CLASP2: variants seen among roughly 807,000 people sequenced by gnomAD.
CLASP2 encodes the protein cytoplasmic linker associated protein 2.
In CLASP2, 47 loss-of-function variants were observed where a neutral mutation model predicts 194.4. The observed-to-expected ratio is 0.24, with a 90% CI of 0.19 to 0.31. The LOEUF (loss-of-function observed/expected upper bound fraction) is 0.31, where lower values mean the gene tolerates loss of function less well. CLASP2 is among the 10% of genes least tolerant of loss of function. The probability of loss-of-function intolerance (pLI) is 1.00; values close to 1 mark genes in which losing one functional copy is unlikely to be tolerated. For missense variants in CLASP2, 1,445 were observed against 1,823.6 expected (o/e 0.79, Z 3.78); for synonymous variants, 619 against 633.5 (o/e 0.98, Z 0.34).
rs2073980586 is a variant in CLASP2, at chr3:33,606,902, T to G, written c.1527-144A>C. 11 of 650,322 alleles carry G rather than the reference T, an allele frequency of 1.7e-5. No individual in the cohort carries two copies. In the South Asian group the frequency reaches 2.4e-4, roughly 14 times the overall value. The allele number at this position is 650,322 out of a possible 1,614,324, so 40.3% of individuals were successfully genotyped here. On this transcript the variant is annotated intron_variant, in intron 15 of 38. Transcript: ENST00000682230. ...TTTGTCAGGTGAACACTTTCTAAATTGAACAAGTTCCAGTGGAAAGACTGA... is the reference window on the plus strand; with the variant it reads ...TTTGTCAGGTGAACACTTTCTAAATGGAACAAGTTCCAGTGGAAAGACTGA...
intron 2 of CLASP2, among the ~76,000 whole-genome samples, chr3:33,693,890 GC>G (rs929014422): frequency 2.0e-5 from 3 of 151,898 alleles, no homozygotes; most frequent in Admixed American, 6.6e-5. Flanking sequence ...GTGAACATGT[GC>G]CATCTAGTTG....
intron 21 of CLASP2, among the ~76,000 whole-genome samples, chr3:33,591,650 T>C (rs1266026768): frequency 6.6e-6 from 1 of 152,228 alleles, no homozygotes; most frequent in South Asian, 2.1e-4. Context: ...GCCATAAATA[T>C]GTTTACTATT....
At chr3:33,588,649 T>A (rs2067966982) in intron 21 of CLASP2, 3 of 698,926 alleles carry the variant, frequency 4.3e-6, no homozygotes, top group Non-Finnish European at 7.8e-6. Flanking sequence ...CCATTCTTCA[T>A]AATGAAAATA....
chr3:33,644,701 T>C, intron 8 of CLASP2, 56 bp downstream of exon 8: 1 of 1,582,798 alleles, frequency 6.3e-7, no homozygotes, highest in Non-Finnish European at 8.6e-7. Context: ...CAAGTATGTG[T>C]GGCCATATCA....
At chr3:33,522,334 G>GAATTTA (rs147411100) in intron 34 of CLASP2, among the ~76,000 whole-genome samples, 5 of 2,902 alleles carry the variant, frequency 1.7e-3, no homozygotes, top group Non-Finnish European at 2.8e-3. Flanking sequence ...GATCTGAGAA[G>GAATTTA]ACTTTATACC....
chr3:33,600,393 T>C (rs1376751704), intron 18 of CLASP2, among the ~76,000 whole-genome samples: 2 of 152,206 alleles, frequency 1.3e-5, no homozygotes, highest in East Asian at 3.8e-4. Context: ...TGACTTCTGT[T>C]CCTAGTTTGT....
intron 12 of CLASP2, among the ~76,000 whole-genome samples, chr3:33,616,715 A>G (rs926124766): frequency 3.3e-5 from 5 of 151,052 alleles, no homozygotes; most frequent in African/African-American, 1.2e-4. Flanking sequence ...AAAGATTTCA[A>G]TAATTCCCAC....
At chr3:33,572,390 T>G (rs556143138) in intron 25 of CLASP2, among the ~76,000 whole-genome samples, 68 of 152,294 alleles carry the variant, frequency 4.5e-4, no homozygotes, top group Non-Finnish European at 4.1e-4. Context: ...GTTCTAATAC[T>G]TCCTAAAATA....
chr3:33,569,663 C>T (rs1576565172), intron 26 of CLASP2, among the ~76,000 whole-genome samples: 1 of 152,086 alleles, frequency 6.6e-6, no homozygotes, highest in East Asian at 1.9e-4. Flanking sequence ...AACTGCTTAC[C>T]AAATGTATTT....
intron 33 of CLASP2, 97 bp from the exon 34 acceptor site, chr3:33,535,558 T>C (rs989626931): frequency 1.0e-6 from 1 of 952,600 alleles, no homozygotes; most frequent in Non-Finnish European, 1.5e-6. Context: ...TAAAAGACAA[T>C]TTTAAAAAGA....
intron 1 of CLASP2, among the ~76,000 whole-genome samples, chr3:33,716,110 T>G (rs1447866680): frequency 1.3e-5 from 2 of 152,236 alleles, no homozygotes; most frequent in Admixed American, 1.3e-4. Context: ...AACAGGCAAT[T>G]TATCTATTCT....
intron 7 of CLASP2, among the ~76,000 whole-genome samples, chr3:33,651,657 CTT>C (rs1213189049): frequency 3.3e-5 from 4 of 119,596 alleles, no homozygotes; most frequent in Non-Finnish European, 1.7e-5. Flanking sequence ...TTCCACCTCA[CTT>C]TTTTTTTTTT....
At chr3:33,550,946 A>G (rs1028130358) in intron 30 of CLASP2, among the ~76,000 whole-genome samples, 4 of 152,222 alleles carry the variant, frequency 2.6e-5, no homozygotes, top group Non-Finnish European at 5.9e-5. Context: ...GATAAATCAA[A>G]CAACAGTGTA....
At chr3:33,632,511 A>T (rs2079274609) in intron 8 of CLASP2, 140 bp from the exon 9 acceptor site, 2 of 653,088 alleles carry the variant, frequency 3.1e-6, no homozygotes, top group Non-Finnish European at 2.6e-6. Flanking sequence ...GAAAGCATTT[A>T]AAAAATCTCC....
chr3:33,695,315 C>T (rs762431165), intron 2 of CLASP2, among the ~76,000 whole-genome samples: 3 of 148,978 alleles, frequency 2.0e-5, no homozygotes, highest in Non-Finnish European at 3.0e-5. Context: ...CCTACCTTAG[C>T]CTCCTAAACT....
chr3:33,507,645 C>T (rs1456253008), intron 37 of CLASP2, among the ~76,000 whole-genome samples: 1 of 151,994 alleles, frequency 6.6e-6, no homozygotes, highest in Non-Finnish European at 1.5e-5. Context: ...TCACGCCTGG[C>T]TAATTTTTAA....
Position 33,551,345 on chromosome 3 carries a change from A to G in CLASP2, c.3060T>C (p.Asp1020=). The change falls in exon 30 of 39, where the codon GAT becomes GAC. Residue 1020 remains aspartate (D), a synonymous_variant. Transcript: ENST00000682230. ...KYIETLAKQM[D]PGDFINSSET... is the part of the protein sequence containing the mutation. ...CACTGGAATTTATAAAATCTCCTGG[A>G]TCCATCTGTTTGGCCAGAGTTTCTA... 6.2e-7 allele frequency: 1 copy of G among 1,613,870 alleles called. No homozygotes were observed. The highest frequency in any genetic ancestry group is 8.5e-7 in the Non-Finnish European group (1 of 1,179,786).
intron 10 of CLASP2, 87 bp downstream of exon 10, chr3:33,626,901 C>T (rs1255330780): frequency 4.2e-6 from 3 of 717,116 alleles, no homozygotes; most frequent in Non-Finnish European, 7.0e-6. Context: ...AAGTGAATAC[C>T]ATATAGTACT....
At chr3:33,543,364 C>T in intron 32 of CLASP2, 69 bp downstream of exon 32, 1 of 1,095,194 alleles carries the variant, frequency 9.1e-7, no homozygotes, top group Admixed American at 1.7e-5. Context: ...CAGAGCAAGA[C>T]TCTGTCTCAA....
Sources: gnomAD v4.1 joint callset for allele counts (sites outside exome capture counted in the v4.1 genomes callset) on GRCh38, gnomAD v4.1.1 for gene constraint, MANE v1.5 for transcripts, NCBI Gene and HGNC (gene_info 2026-07-23, HGNC 2026-07-21) for gene names.